Variants in CHD9 observed in about 807,000 individuals in gnomAD.
The protein encoded by CHD9 is ATP-dependent chromatin remodeler CHD9.
In CHD9, 77 loss-of-function variants were observed where a neutral mutation model predicts 316.1. The observed-to-expected ratio is 0.24, with a 90% confidence interval of 0.20 to 0.29. The LOEUF is 0.29. Among genes scored for constraint, CHD9 ranks in the 10% least tolerant of loss-of-function variants. CHD9 has a pLI of 1.00. For missense variants in CHD9, 2,763 were observed against 3,438.1 expected, an observed-to-expected ratio of 0.80 and a Z score of 4.91; for synonymous variants, 1,129 against 1,158.3, an observed-to-expected ratio of 0.97 and a Z score of 0.51.
intron 2 of CHD9, among the ~76,000 whole-genome samples, chr16:53,180,797 C>T (rs999062346): frequency 6.6e-6 from 1 of 152,058 alleles, no homozygotes; most frequent in African/African-American, 2.4e-5. Flanking sequence ...CTCAGCCTCC[C>T]CAGTATTAGC....
At chr16:53,192,283 T>G (rs1253520609) in intron 2 of CHD9, among the ~76,000 whole-genome samples, 1 of 152,024 alleles carries the variant, frequency 6.6e-6, no homozygotes, top group Non-Finnish European at 1.5e-5. Flanking sequence ...AACAGATGAG[T>G]GAAGAAATAG....
chr16:53,094,396 GAGACC>G (rs2152560168), intron 1 of CHD9, among the ~76,000 whole-genome samples: 1 of 152,264 alleles, frequency 6.6e-6, no homozygotes, highest in Non-Finnish European at 1.5e-5. Flanking sequence ...ACCGCACAGA[GAGACC>G]AGTGACTGAA....
intron 13 of CHD9, among the ~76,000 whole-genome samples, chr16:53,244,482 C>T (rs2049392870): frequency 1.3e-5 from 2 of 152,120 alleles, no homozygotes; most frequent in African/African-American, 2.4e-5. Context: ...TGAGCCACCG[C>T]GCCCGGCCTC....
intron 1 of CHD9, among the ~76,000 whole-genome samples, chr16:53,064,230 C>T (rs1336376124): frequency 6.6e-6 from 1 of 152,174 alleles, no homozygotes; most frequent in Non-Finnish European, 1.5e-5. Flanking sequence ...ACTGGTTGGC[C>T]TTCCCAGATC....
chr16:53,183,621 C>T (rs1263101538), intron 2 of CHD9, among the ~76,000 whole-genome samples: 1 of 152,106 alleles, frequency 6.6e-6, no homozygotes, highest in African/African-American at 2.4e-5. Flanking sequence ...GGGTTTAAAA[C>T]TCCTTTCTAA....
At chr16:53,271,592 A>G (rs1361511885) in intron 22 of CHD9, among the ~76,000 whole-genome samples, 2 of 151,866 alleles carry the variant, frequency 1.3e-5, no homozygotes, top group Non-Finnish European at 2.9e-5. Context: ...AAAGAAAAAG[A>G]AAAAGAAAAA....
intron 1 of CHD9, among the ~76,000 whole-genome samples, chr16:53,070,854 A>G (rs1385095169): frequency 2.6e-5 from 4 of 152,140 alleles, no homozygotes; most frequent in African/African-American, 9.6e-5. Context: ...GCACCTGGCC[A>G]TATGTCTTTC....
At chr16:53,311,836 T>C (rs2056502778) in intron 34 of CHD9, 1 of 152,216 alleles carries the variant, frequency 6.6e-6, no homozygotes, top group African/African-American at 2.4e-5. Flanking sequence ...AAAATGAGCT[T>C]AATAATCCCT....
At chr16:53,293,211 ATATATG>A (rs953710499) in intron 29 of CHD9, among the ~76,000 whole-genome samples, 159 bp downstream of exon 29, 1 of 152,208 alleles carries the variant, frequency 6.6e-6, no homozygotes, top group Non-Finnish European at 1.5e-5. Context: ...TCACACATTT[ATATATG>A]TATGAGTGTG....
At chr16:53,298,317 C>G (rs925641329) in intron 30 of CHD9, 1 of 145,164 alleles carries the variant, frequency 6.9e-6, no homozygotes, top group Non-Finnish European at 1.5e-5. Flanking sequence ...AGAGGCAGCA[C>G]TACAAAAAAA....
Position 53,156,734 on chromosome 16 carries a change from G to T in CHD9, c.645G>T (p.Gln215His). 1.2e-6 allele frequency: 2 copies of T among 1,613,846 alleles called. No individual in the cohort carries two copies. The highest frequency in any genetic ancestry group is 1.7e-6 in the Non-Finnish European group (2 of 1,179,802). ...PHRVNVNHPP[Q>H]MTNASNSQQS... Reference sequence around the variant, plus strand: ...GAGTCAATGTTAACCACCCACCACAGATGACTAATGCATCTAATTCACAAC... The same window carrying T: ...GAGTCAATGTTAACCACCCACCACATATGACTAATGCATCTAATTCACAAC... Residue 215 changes from glutamine (Q) to histidine (H), a missense_variant, in exon 2 of 39, where the codon CAG becomes CAT. Coordinates refer to ENST00000447540, the MANE Select transcript of CHD9 (RefSeq NM_001308319.2).
chr16:53,320,976 A>C (rs1468660848), intron 37 of CHD9, among the ~76,000 whole-genome samples: 1 of 152,184 alleles, frequency 6.6e-6, no homozygotes, highest in Non-Finnish European at 1.5e-5. Context: ...AATAGAAATA[A>C]TACTATCTCC....
intron 1 of CHD9, among the ~76,000 whole-genome samples, chr16:53,114,922 T>C (rs1189573064): frequency 6.6e-6 from 1 of 151,682 alleles, no homozygotes; most frequent in Non-Finnish European, 1.5e-5. Context: ...AGCACAAGTA[T>C]TTGATTGATT....
At chr16:53,125,641 A>G (rs1191692615) in intron 1 of CHD9, among the ~76,000 whole-genome samples, 1 of 152,216 alleles carries the variant, frequency 6.6e-6, no homozygotes, top group Non-Finnish European at 1.5e-5. Context: ...AGAGATATAT[A>G]GTAGATAATC....
At chr16:53,202,770 TA>T (rs199743779) in intron 2 of CHD9, among the ~76,000 whole-genome samples, 90 of 148,314 alleles carry the variant, frequency 6.1e-4, no homozygotes, top group East Asian at 2.7e-3. Context: ...TTATGACACT[TA>T]AAAAAAAAAG....
intron 2 of CHD9, among the ~76,000 whole-genome samples, chr16:53,181,141 G>A (rs1252060194): frequency 6.6e-6 from 1 of 151,844 alleles, no homozygotes; most frequent in Non-Finnish European, 1.5e-5. Flanking sequence ...CTCCCGAGTA[G>A]CTGGGATTAC....
At chr16:53,143,056 C>A (rs923708962) in intron 1 of CHD9, among the ~76,000 whole-genome samples, 1 of 152,118 alleles carries the variant, frequency 6.6e-6, no homozygotes, top group Non-Finnish European at 1.5e-5. Flanking sequence ...TAACCTACTC[C>A]TGTGATAACA....
intron 27 of CHD9, 34 bp from the exon 28 acceptor site, chr16:53,291,691 T>C (rs777887164): frequency 8.8e-6 from 13 of 1,473,022 alleles, no homozygotes; most frequent in Admixed American, 2.3e-5. Context: ...TTGACCCAAT[T>C]ACCCTGTGAC....
chr16:53,297,189 G>A (rs950863978), intron 30 of CHD9, 31 bp downstream of exon 30: 13 of 1,532,640 alleles, frequency 8.5e-6, no homozygotes, highest in African/African-American at 2.8e-5. Flanking sequence ...TCCTGGTTTC[G>A]GTCAAAGAAG....
Sources: gnomAD v4.1 joint callset for allele counts (sites outside exome capture counted in the v4.1 genomes callset) on GRCh38, gnomAD v4.1.1 for gene constraint, MANE v1.5 for transcripts, NCBI Gene and HGNC (gene_info 2026-07-23, HGNC 2026-07-21) for gene names.